The following CERS1 variants were observed in gnomAD, a reference collection of about 807,000 sequenced individuals.
CERS1 encodes the protein ceramide synthase 1.
CERS1 carries 16 observed loss-of-function variants against 35.7 expected under a neutral mutation model. The observed-to-expected ratio is 0.45, with a 90% CI of 0.30 to 0.68. CERS1 has a LOEUF of 0.68. Among genes scored for constraint, CERS1 ranks in the 30% least tolerant of loss-of-function variants. The pLI is 0.08. For synonymous variants in CERS1, 243 were observed against 201.6 expected, an observed-to-expected ratio of 1.21 and a Z score of -1.74; for missense variants, 454 against 453.9, an observed-to-expected ratio of 1.00 and a Z score of 0.00.
chr19:18,892,385 C>T (rs917810770), intron 2 of CERS1, among the ~76,000 whole-genome samples: 2 of 151,932 alleles, frequency 1.3e-5, no homozygotes, highest in South Asian at 2.1e-4. Context: ...GAGGCTGAGG[C>T]GGGCAGATCA....
intron 6 of CERS1, among the ~76,000 whole-genome samples, chr19:18,875,234 T>TAAA (rs869211539): frequency 4.1e-5 from 5 of 122,266 alleles, no homozygotes; most frequent in African/African-American, 1.5e-4. Flanking sequence ...GGACCGTCTC[T>TAAA]AAAAAAAAAA....
Position 18,870,142 on chromosome 19 carries a change from G to A in CERS1, c.*435C>T, listed in dbSNP as rs2055940255. On this transcript the variant is annotated 3_prime_UTR_variant, in exon 7 of 8. Coordinates refer to ENST00000623882, the MANE Select transcript of CERS1 (RefSeq NM_021267.5). The surrounding 1 kb of genome is among the most constrained non-coding windows in gnomAD (Gnocchi z 5.1). ...CGCCACATGACCGGGGGAACCGGCC[G>A]GAGCCTGGGGGCACCCTGGGGCTCA... 1.3e-6 allele frequency: 2 copies of A among 1,563,336 alleles called. No homozygotes were observed. Among genetic ancestry groups the A allele is most frequent in the Non-Finnish European group, 1.7e-6 (2 of 1,160,174 alleles).
At position 18,869,136 on chromosome 19, in the gene CERS1, C is replaced by T; in HGVS notation, c.*849G>A. The T allele has an allele frequency of 9.0e-7, 1 of 1,105,786 alleles. No individual in the cohort carries two copies. 68.5% of individuals were successfully genotyped at this position (1,105,786 alleles called of 1,614,324 possible). On this transcript the variant is annotated 3_prime_UTR_variant, in exon 8 of 8. Coordinates refer to ENST00000623882, the MANE Select transcript of CERS1 (RefSeq NM_021267.5). ...GCGGCGCCCAGCAGCTCCGCGCGCA[C>T]TGGCGGCCCCAGGGCGGGCACCAAC...
Position 18,869,989 on chromosome 19 carries a change from C to T in CERS1, c.*588G>A. On this transcript the variant is annotated 3_prime_UTR_variant, in exon 7 of 8. Coordinates refer to ENST00000623882, the MANE Select transcript of CERS1 (RefSeq NM_021267.5). ...CAGCGAAAGCCCCACTCACCGCGGT[C>T]CGGGATGTGGCGCACGATGTTTCCG... is the stretch of plus-strand genomic sequence containing the variant. 6.3e-7 allele frequency: 1 copy of T among 1,590,922 alleles called. No individual in the cohort carries two copies. The highest frequency in any genetic ancestry group is 8.5e-7 in the Non-Finnish European group (1 of 1,170,314).
chr19:18,870,495 G>C lies in CERS1; in HGVS notation c.*82C>G. 1 of 563,962 alleles carries C rather than the reference G, an allele frequency of 1.8e-6. No individual in the cohort carries two copies. The highest frequency in any genetic ancestry group is 3.1e-6 in the Non-Finnish European group (1 of 317,982). 34.9% of individuals were successfully genotyped at this position (563,962 alleles called of 1,614,324 possible). A position where few individuals can be genotyped will look rare whatever the true frequency, so the allele number is the denominator to read the frequency against. On this transcript the variant is annotated 3_prime_UTR_variant, in exon 7 of 8. Coordinates refer to ENST00000623882, the MANE Select transcript of CERS1 (RefSeq NM_021267.5). The surrounding 1 kb of genome is among the most constrained non-coding windows in gnomAD (Gnocchi z 5.1). ...GGCCCTAGAGGAGCAGAGTTGGAGGGGGTGGAGGGGCGGCCAAGGACGGGG... is the reference window on the plus strand; with the variant it reads ...GGCCCTAGAGGAGCAGAGTTGGAGGCGGTGGAGGGGCGGCCAAGGACGGGG...
At position 18,884,149 on chromosome 19, in the gene CERS1, C is replaced by T. The variant is rs756017318; in HGVS notation, c.528G>A (p.Ser176=). Residue 176 remains serine (S), a synonymous_variant, in exon 3 of 8, where the codon TCG becomes TCA. Coordinates refer to ENST00000623882, the MANE Select transcript of CERS1 (RefSeq NM_021267.5). ...CCACGTGGTGGAGCAGCATGACCAC[C>T]GAGTCCTTGCGCCAGGTGTCCATGT... is the stretch of plus-strand genomic sequence containing the variant. The part of the protein sequence containing the change: ...TLYMDTWRKD[S]VVMLLHHVVT... The T allele has an allele frequency of 1.9e-6, 3 of 1,613,706 alleles. No individual in the cohort carries two copies. Among genetic ancestry groups the T allele is most frequent in the East Asian group, 4.5e-5 (2 of 44,868 alleles).
At position 18,879,375 on chromosome 19, in the gene CERS1, G is replaced by C; in HGVS notation, c.766C>G (p.Leu256Val). The change falls in exon 5 of 8, where the codon CTC (leucine) becomes GTC (valine). Residue 256 changes from leucine to valine, a missense_variant. Coordinates refer to ENST00000623882, the MANE Select transcript of CERS1 (RefSeq NM_021267.5). ...AGGACCTTGAGCGGGAACCAGTAGA[G>C]GCGGAACCAGAACCTGCGGTGGGAG... ...SFGFSWFWFRLYWFPLKVLYA... is the reference protein window; with the variant it reads ...SFGFSWFWFRVYWFPLKVLYA... 1 of 1,569,888 alleles carries C rather than the reference G, an allele frequency of 6.4e-7. No individual in the cohort carries two copies. The highest frequency in any genetic ancestry group is 8.6e-7 in the Non-Finnish European group (1 of 1,157,938).
At chr19:18,887,443 A>G (rs1199879540) in intron 2 of CERS1, among the ~76,000 whole-genome samples, 1 of 152,194 alleles carries the variant, frequency 6.6e-6, no homozygotes, top group Non-Finnish European at 1.5e-5. Flanking sequence ...TGGTTGAACA[A>G]CACTGTGAAT....
chr19:18,880,174 G>T, intron 4 of CERS1, 100 bp downstream of exon 4: 5 of 1,207,290 alleles, frequency 4.1e-6, no homozygotes, highest in South Asian at 1.7e-5. Context: ...CCACCTCACC[G>T]GGCCCCGCCT....
rs577117307 is a variant in CERS1, at chr19:18,873,149, C to T, written c.1011-2530G>A. 7.9e-5 allele frequency among the ~76,000 whole-genome samples: 12 copies of T among 152,178 alleles called. No individual in the cohort carries two copies. The South Asian group carries it at 1.7e-3, about 21-fold the overall frequency. On this transcript the variant is annotated intron_variant, in intron 6 of 7. Coordinates refer to ENST00000623882, the MANE Select transcript of CERS1 (RefSeq NM_021267.5). ...TTTTGCCCCAAATTGCTGTCAACAC[C>T]GATAGACTAGTGTTGACACTAGTCT...
chr19:18,879,311 T>G lies in CERS1; in HGVS notation c.830A>C (p.Asp277Ala), dbSNP rs1283919339. 13 of 1,612,006 alleles carry G rather than the reference T, an allele frequency of 8.1e-6. No homozygotes were observed. Among genetic ancestry groups the G allele is most frequent in the Non-Finnish European group, 1.1e-5 (13 of 1,179,204 alleles). The change falls in exon 5 of 8, where the codon GAC (aspartate) becomes GCC (alanine). Residue 277 changes from aspartate (D) to alanine (A), a missense_variant. By Grantham distance (126) the Asp-to-Ala change is moderately radical. Coordinates refer to ENST00000623882, the MANE Select transcript of CERS1 (RefSeq NM_021267.5). Reference protein sequence around the residue: ...TSHCSLRTVPDIPFYFFFNAL... With the variant: ...TSHCSLRTVPAIPFYFFFNAL... ...ATTGAAGAAGAAGTAGAAGGGGATG[T>G]CAGGCACCGTGCGCAGACTGCAGTG...
chr19:18,869,618 T>C (rs1270013355), intron 7 of CERS1, among the ~76,000 whole-genome samples: 1 of 127,766 alleles, frequency 7.8e-6, no homozygotes, highest in Non-Finnish European at 1.7e-5. Flanking sequence ...GCGGGGGGCA[T>C]AGGAGGAGGG....
At chr19:18,884,374 G>A (rs2056297191) in intron 2 of CERS1, 107 bp from the exon 3 acceptor site, 1 of 1,002,952 alleles carries the variant, frequency 1.0e-6, no homozygotes, top group African/African-American at 1.6e-5. Flanking sequence ...CAGTACCCAG[G>A]TAACCATGCG....
intron 6 of CERS1, chr19:18,877,975 C>T (rs1370824037): frequency 1.0e-6 from 1 of 985,374 alleles, no homozygotes; most frequent in East Asian, 1.1e-4. Context: ...GATGGGTTCT[C>T]CCTTCCAAAC....
rs1264986688 is a variant in CERS1 at position 18,895,914 on chromosome 19, C to A, written c.159G>T (p.Ala53=). The change falls in exon 1 of 8, where the codon GCG becomes GCT. Residue 53 remains alanine, a synonymous_variant. Transcript: ENST00000623882. This position sits in a 1 kb window ranked among gnomAD's most constrained non-coding sequence, Gnocchi z 6.4. ...GCAGCAGCTCGGGCGGCGCCAGGTG[C>A]GCGTGCTCAGCCAGGCCGCGACGCG... ...GLARRGLAEH[A]HLAPPELLLL... 7 of 1,242,188 alleles carry A rather than the reference C, an allele frequency of 5.6e-6. No individual in the cohort carries two copies. The highest frequency in any genetic ancestry group is 3.8e-5 in the East Asian group (1 of 26,578). The allele number at this position is 1,242,188 out of a possible 1,614,324, so 76.9% of individuals were successfully genotyped here.
chr19:18,881,767 C>CTCA (rs1555704873), intron 3 of CERS1: 4 of 151,226 alleles, frequency 2.6e-5, no homozygotes, highest in African/African-American at 9.7e-5. Flanking sequence ...TCCTTTCAGT[C>CTCA]TCTGCTCATC....
At chr19:18,888,513 G>T (rs1187233139) in intron 2 of CERS1, among the ~76,000 whole-genome samples, 2 of 93,620 alleles carry the variant, frequency 2.1e-5, no homozygotes, top group African/African-American at 9.4e-5. Context: ...GTGAGACCCT[G>T]TCTCTTAAAA....
chr19:18,891,438 C>T (rs1441175484), intron 2 of CERS1, among the ~76,000 whole-genome samples: 6 of 152,282 alleles, frequency 3.9e-5, no homozygotes, highest in Admixed American at 1.3e-4. Flanking sequence ...TGCCCAGTGG[C>T]GATGCCGGCC....
Position 18,895,719 on chromosome 19 carries a change from C to T in CERS1, c.249+105G>A. 3.5e-6 allele frequency: 2 copies of T among 571,250 alleles called. No homozygotes were observed. The highest frequency in any genetic ancestry group is 2.4e-6 in the Non-Finnish European group (1 of 414,288). The allele number at this position is 571,250 out of a possible 1,614,324, so 35.4% of individuals were successfully genotyped here. A position where few individuals can be genotyped will look rare whatever the true frequency, so the allele number is the denominator to read the frequency against. On this transcript the variant is annotated intron_variant, in intron 1 of 7. Coordinates refer to ENST00000623882, the MANE Select transcript of CERS1 (RefSeq NM_021267.5). This position sits in a 1 kb window ranked among gnomAD's most constrained non-coding sequence, Gnocchi z 6.4. ...CACGTTCCGGCGACCCCTTCATCCGCAGCAGCCAGCGCTGGAAGAAAGGAA... is the reference window on the plus strand; with the variant it reads ...CACGTTCCGGCGACCCCTTCATCCGTAGCAGCCAGCGCTGGAAGAAAGGAA...
Sources: gnomAD v4.1 joint callset for allele counts (sites outside exome capture counted in the v4.1 genomes callset) on GRCh38, gnomAD v4.1.1 for gene constraint, Gnocchi (gnomAD v3.1) non-coding constraint, MANE v1.5 for transcripts, NCBI Gene and HGNC (gene_info 2026-07-23, HGNC 2026-07-21) for gene names.